Variants in IL1RAPL2 observed in about 807,000 individuals in gnomAD.
IL1RAPL2 encodes X-linked interleukin-1 receptor accessory protein-like 2.
In IL1RAPL2, 3 loss-of-function variants were observed where a neutral mutation model predicts 44.1. That is an observed-to-expected ratio of 0.07 (90% CI 0.03 to 0.18). The LOEUF is 0.18. Among genes scored for constraint, IL1RAPL2 ranks in the 10% least tolerant of loss-of-function variants. The probability of loss-of-function intolerance (pLI) is 1.00; values close to 1 mark genes in which losing one functional copy is unlikely to be tolerated. For synonymous variants in IL1RAPL2, 181 were observed against 178.8 expected, an observed-to-expected ratio of 1.01 and a Z score of -0.10; for missense variants, 391 against 496.4, an observed-to-expected ratio of 0.79 and a Z score of 2.02.
At chrX:104,607,896 TATA>T (rs1295150209) in intron 1 of IL1RAPL2, among the ~76,000 whole-genome samples, 1 of 111,861 alleles carries the variant, frequency 8.9e-6, no homozygotes, top group Non-Finnish European at 1.9e-5. Flanking sequence ...CCCAAACGAT[TATA>T]AATCATGCTA....
At chrX:105,256,551 A>G (rs1373868104) in intron 4 of IL1RAPL2, among the ~76,000 whole-genome samples, 4 of 109,261 alleles carry the variant, frequency 3.7e-5, no homozygotes, top group African/African-American at 1.0e-4. Flanking sequence ...CTGTTCTCGA[A>G]CTCCTGAGCT....
chrX:105,729,527 C>CCATT (rs2038382452), intron 7 of IL1RAPL2, among the ~76,000 whole-genome samples: 1 of 110,534 alleles, frequency 9.0e-6, no homozygotes, highest in African/African-American at 3.3e-5. Context: ...GAACTTTTGC[C>CCATT]CATTTTTAAA....
chrX:105,192,931 C>T (rs1428579683), intron 2 of IL1RAPL2, among the ~76,000 whole-genome samples: 1 of 111,975 alleles, frequency 8.9e-6, no homozygotes, highest in Non-Finnish European at 1.9e-5. Flanking sequence ...ACATATTGCT[C>T]ACATGGCCCT....
chrX:104,826,191 T>G (rs1921445113), intron 2 of IL1RAPL2, among the ~76,000 whole-genome samples: 1 of 112,045 alleles, frequency 8.9e-6, no homozygotes, highest in African/African-American at 3.2e-5. Context: ...CTTCTCTAGT[T>G]CTTTTGTGAT....
chrX:105,040,454 T>A (rs768541461), intron 2 of IL1RAPL2, among the ~76,000 whole-genome samples: 3 of 111,588 alleles, frequency 2.7e-5, no homozygotes, highest in African/African-American at 9.8e-5. Flanking sequence ...TCAGAAGGAA[T>A]GGTACCAGTT....
rs1044685415 is a variant in IL1RAPL2 at position 105,694,598 on chromosome X, T to C, written c.773-22769T>C. Among the ~76,000 whole-genome samples, 5 of 111,150 alleles carry C rather than the reference T, an allele frequency of 4.5e-5. No homozygotes were observed. The South Asian group carries it at 1.1e-3, about 26-fold the overall frequency. ...CCTGACCCATGATCTTTTCTTCTGGTTGGACTATGTTGCTTACATATCCCT... is the reference window on the plus strand; with the variant it reads ...CCTGACCCATGATCTTTTCTTCTGGCTGGACTATGTTGCTTACATATCCCT... On this transcript the variant is annotated intron_variant, in intron 6 of 10. Coordinates refer to ENST00000372582, the MANE Select transcript of IL1RAPL2 (RefSeq NM_017416.2).
chrX:104,635,249 G>A (rs1438013234), intron 1 of IL1RAPL2, among the ~76,000 whole-genome samples: 2 of 111,528 alleles, frequency 1.8e-5, no homozygotes, highest in Non-Finnish European at 3.8e-5. Context: ...TGGGCAACCC[G>A]ACCTTTCTCT....
At chrX:104,869,487 A>G (rs1922701856) in intron 2 of IL1RAPL2, among the ~76,000 whole-genome samples, 1 of 112,027 alleles carries the variant, frequency 8.9e-6, no homozygotes, top group South Asian at 3.6e-4. Flanking sequence ...CAAAATTCAT[A>G]TGCCACTTCA....
chrX:104,583,765 T>C (rs1000241340), intron 1 of IL1RAPL2, among the ~76,000 whole-genome samples: 1 of 111,872 alleles, frequency 8.9e-6, no homozygotes, highest in African/African-American at 3.3e-5. Context: ...TAAAAGATAC[T>C]AGTCTTCATA....
At chrX:104,610,542 A>T (rs1357781269) in intron 1 of IL1RAPL2, among the ~76,000 whole-genome samples, 1 of 112,019 alleles carries the variant, frequency 8.9e-6, no homozygotes, top group Non-Finnish European at 1.9e-5. Context: ...CTTCAAAGAG[A>T]ATAAAATACT....
chrX:105,128,659 GTTCT>G (rs1294341844), intron 2 of IL1RAPL2, among the ~76,000 whole-genome samples: 1 of 110,993 alleles, frequency 9.0e-6, no homozygotes, highest in Non-Finnish European at 1.9e-5. Flanking sequence ...GACCCACCGT[GTTCT>G]TTCTTTTTCT....
intron 2 of IL1RAPL2, among the ~76,000 whole-genome samples, chrX:104,880,489 G>T (rs1405929994): frequency 9.0e-6 from 1 of 111,651 alleles, no homozygotes; most frequent in Non-Finnish European, 1.9e-5. Flanking sequence ...ACATTTTCTT[G>T]TAGAAGATTT....
Position 104,686,797 on chromosome X carries a change from G to A in IL1RAPL2, c.82+27802G>A, listed in dbSNP as rs186193221. ...GCAGTTGGGCCTGAACTCTCCCACC[G>A]TTTAAACCAACGTTCTCAAGGAGTT... On this transcript the variant is annotated intron_variant, in intron 2 of 10. Coordinates refer to ENST00000372582, the MANE Select transcript of IL1RAPL2 (RefSeq NM_017416.2). 2.6e-3 allele frequency among the ~76,000 whole-genome samples: 294 copies of A among 112,109 alleles called. 1 individual carries two copies. Among genetic ancestry groups the A allele is most frequent in the African/African-American group, 8.6e-3 (267 of 30,878 alleles).
chrX:105,701,865 C>T (rs1168323906), intron 6 of IL1RAPL2, among the ~76,000 whole-genome samples: 2 of 111,317 alleles, frequency 1.8e-5, no homozygotes, highest in Non-Finnish European at 3.8e-5. Flanking sequence ...TCTTAGATTG[C>T]AAGAGTGACC....
At chrX:104,648,271 C>G (rs762532235) in intron 1 of IL1RAPL2, among the ~76,000 whole-genome samples, 1 of 112,093 alleles carries the variant, frequency 8.9e-6, no homozygotes, top group Non-Finnish European at 1.9e-5. Flanking sequence ...CACCCCTACC[C>G]ATGACAAGGT....
intron 2 of IL1RAPL2, among the ~76,000 whole-genome samples, chrX:105,033,244 G>A (rs2031548091): frequency 9.0e-6 from 1 of 111,517 alleles, no homozygotes; most frequent in Admixed American, 9.5e-5. Flanking sequence ...ATATTATTAT[G>A]TGTGAATTTG....
At chrX:105,043,649 C>T (rs1380018692) in intron 2 of IL1RAPL2, among the ~76,000 whole-genome samples, 1 of 110,473 alleles carries the variant, frequency 9.1e-6, no homozygotes, top group Non-Finnish European at 1.9e-5. Flanking sequence ...GGAAAGAGAG[C>T]CATAGTCAGT....
intron 5 of IL1RAPL2, among the ~76,000 whole-genome samples, chrX:105,347,259 G>A (rs2147702686): frequency 9.0e-6 from 1 of 111,685 alleles, no homozygotes; most frequent in Admixed American, 9.6e-5. Flanking sequence ...ATACTATAGA[G>A]TATAATGGTC....
At chrX:104,745,809 G>A (rs758275770) in intron 2 of IL1RAPL2, among the ~76,000 whole-genome samples, 3 of 111,182 alleles carry the variant, frequency 2.7e-5, no homozygotes, top group Non-Finnish European at 5.7e-5. Context: ...TAATAGTGAA[G>A]GTGTGATCAA....
Sources: allele counts gnomAD v4.1 joint callset (sites outside exome capture counted in the v4.1 genomes callset), GRCh38; gene constraint gnomAD v4.1.1; transcripts MANE v1.5; gene names NCBI Gene and HGNC (gene_info 2026-07-23, HGNC 2026-07-21).